The following SMOC2 variants were observed in gnomAD, a reference collection of about 807,000 sequenced individuals.
The protein encoded by SMOC2 is SPARC related modular calcium binding 2.
SMOC2 carries 39 observed loss-of-function variants against 61.4 expected under a neutral mutation model. That is an observed-to-expected ratio of 0.64 (90% CI 0.49 to 0.83). The LOEUF (loss-of-function observed/expected upper bound fraction) is 0.83, where lower values mean the gene tolerates loss of function less well. Among genes scored for constraint, SMOC2 ranks in the 40% least tolerant of loss-of-function variants. SMOC2 has a pLI of 0.00. For missense variants in SMOC2, 556 were observed against 592.9 expected (o/e 0.94, Z 0.65); for synonymous variants, 247 against 239.9 (o/e 1.03, Z -0.27).
chr6:168,513,385 G>A (rs562713945), intron 2 of SMOC2, among the ~76,000 whole-genome samples: 3 of 151,330 alleles, frequency 2.0e-5, no homozygotes, highest in Non-Finnish European at 2.9e-5. Flanking sequence ...TAAACTGTAC[G>A]TTATTTTAGT....
At chr6:168,661,468 G>A in intron 11 of SMOC2, among the ~76,000 whole-genome samples, 1 of 152,054 alleles carries the variant, frequency 6.6e-6, no homozygotes, top group East Asian at 1.9e-4. Context: ...TGGGTGTGGT[G>A]GTGTGAGCCT....
chr6:168,601,008 A>G (rs1311200098), intron 8 of SMOC2, among the ~76,000 whole-genome samples: 1 of 152,248 alleles, frequency 6.6e-6, no homozygotes, highest in African/African-American at 2.4e-5. Context: ...GATTTATATA[A>G]AAATAGTTTT....
At chr6:168,596,390 A>G (rs1485004341) in intron 7 of SMOC2, among the ~76,000 whole-genome samples, 2 of 148,392 alleles carry the variant, frequency 1.3e-5, no homozygotes, top group Non-Finnish European at 1.5e-5. Flanking sequence ...AGGAATGAAC[A>G]GGTGCCATGT....
At chr6:168,649,694 C>A (rs1785404339) in intron 9 of SMOC2, among the ~76,000 whole-genome samples, 1 of 152,190 alleles carries the variant, frequency 6.6e-6, no homozygotes. Context: ...CCGATCTCAT[C>A]GGGGAAACGA....
intron 1 of SMOC2, among the ~76,000 whole-genome samples, chr6:168,496,727 C>A (rs777041174): frequency 1.3e-5 from 2 of 152,190 alleles, no homozygotes; most frequent in Non-Finnish European, 2.9e-5. Context: ...CCCTTCCCTG[C>A]CCATCTCCAA....
chr6:168,625,428 T>A (rs982255907), intron 9 of SMOC2, among the ~76,000 whole-genome samples: 31 of 152,230 alleles, frequency 2.0e-4, no homozygotes, highest in Non-Finnish European at 4.4e-4. Context: ...CCAGAGAGGT[T>A]CAGGACTCGC....
At chr6:168,563,283 T>TC (rs1784463560) in intron 7 of SMOC2, among the ~76,000 whole-genome samples, 4 of 92,888 alleles carry the variant, frequency 4.3e-5, no homozygotes, top group African/African-American at 1.9e-4. Flanking sequence ...TGTATGTAAG[T>TC]TTTATGTGTG....
At chr6:168,547,094 C>T (rs1401974946) in intron 5 of SMOC2, 25 bp from the exon 6 acceptor site, 9 of 1,613,926 alleles carry the variant, frequency 5.6e-6, no homozygotes, top group Non-Finnish European at 7.6e-6. Flanking sequence ...AGTCTCCTTG[C>T]AAATCTTTTC....
intron 9 of SMOC2, among the ~76,000 whole-genome samples, chr6:168,634,007 G>A (rs1786645826): frequency 6.6e-6 from 1 of 152,180 alleles, no homozygotes; most frequent in South Asian, 2.1e-4. Context: ...TCTTCCTGAT[G>A]CCATGTGAAG....
intron 1 of SMOC2, among the ~76,000 whole-genome samples, chr6:168,500,242 G>A (rs867308747): frequency 2.9e-5 from 4 of 138,864 alleles, no homozygotes; most frequent in African/African-American, 1.1e-4. Context: ...AGCCCAGATC[G>A]CCCCACTGCA....
At chr6:168,498,421 A>G (rs1782643882) in intron 1 of SMOC2, among the ~76,000 whole-genome samples, 1 of 152,244 alleles carries the variant, frequency 6.6e-6, no homozygotes, top group Non-Finnish European at 1.5e-5. Context: ...AGAGGGAAAG[A>G]GTGGCTGTCC....
intron 7 of SMOC2, among the ~76,000 whole-genome samples, chr6:168,570,252 G>A (rs1032006422): frequency 1.3e-5 from 2 of 152,086 alleles, no homozygotes; most frequent in South Asian, 2.1e-4. Flanking sequence ...TAGAAAAAAC[G>A]TCAAAGAAGT....
At chr6:168,464,057 G>C (rs1282751027) in intron 1 of SMOC2, among the ~76,000 whole-genome samples, 1 of 151,944 alleles carries the variant, frequency 6.6e-6, no homozygotes, top group Non-Finnish European at 1.5e-5. Flanking sequence ...CAAGTGTGGT[G>C]GTGCACGCCT....
At chr6:168,538,349 T>TA (rs1783791211) in intron 4 of SMOC2, among the ~76,000 whole-genome samples, 1 of 48,386 alleles carries the variant, frequency 2.1e-5, no homozygotes, top group Admixed American at 2.6e-4. Context: ...TGCTGGAATG[T>TA]GGGGAGTGGG....
intron 12 of SMOC2, among the ~76,000 whole-genome samples, chr6:168,665,677 G>A (rs1787645658): frequency 6.6e-6 from 1 of 152,210 alleles, no homozygotes; most frequent in Non-Finnish European, 1.5e-5. Context: ...GAGACTGTTA[G>A]AATACTTTGA....
intron 7 of SMOC2, among the ~76,000 whole-genome samples, chr6:168,598,467 G>A (rs1785385623): frequency 6.6e-6 from 1 of 152,232 alleles, no homozygotes; most frequent in African/African-American, 2.4e-5. Context: ...GGCTGGTTCT[G>A]CCTCGTCACA....
At chr6:168,616,095 T>C (rs1786085956) in intron 9 of SMOC2, among the ~76,000 whole-genome samples, 1 of 152,204 alleles carries the variant, frequency 6.6e-6, no homozygotes, top group Non-Finnish European at 1.5e-5. Flanking sequence ...TGGTGGCCTT[T>C]GAGAGCCTCA....
At chr6:168,481,685 A>G (rs557761260) in intron 1 of SMOC2, among the ~76,000 whole-genome samples, 1 of 152,028 alleles carries the variant, frequency 6.6e-6, no homozygotes, top group Non-Finnish European at 1.5e-5. Context: ...AATTAATTTA[A>G]ATGTAAATAG....
intron 7 of SMOC2, among the ~76,000 whole-genome samples, chr6:168,589,428 C>T (rs890638814): frequency 2.0e-5 from 3 of 152,258 alleles, no homozygotes; most frequent in Non-Finnish European, 4.4e-5. Flanking sequence ...CAGCAATGGG[C>T]TCAACAGCCA....
Sources: gnomAD v4.1 joint callset for allele counts (sites outside exome capture counted in the v4.1 genomes callset) on GRCh38, gnomAD v4.1.1 for gene constraint, MANE v1.5 for transcripts, NCBI Gene and HGNC (gene_info 2026-07-23, HGNC 2026-07-21) for gene names.